The following CDYL variants were observed in gnomAD, a reference collection of about 807,000 sequenced individuals.
The protein encoded by CDYL is chromodomain Y like, also known as chromodomain Y-like protein.
In CDYL, 8 loss-of-function variants were observed where a neutral mutation model predicts 47.3. The ratio of observed to expected loss-of-function variants is 0.17; its 90% CI spans 0.10 to 0.31. CDYL has a LOEUF of 0.31. Among genes scored for constraint, CDYL ranks in the 10% least tolerant of loss-of-function variants. CDYL has a pLI of 1.00. For synonymous variants in CDYL, 266 were observed against 265.0 expected (o/e 1.00, Z -0.04); for missense variants, 471 against 701.4 (o/e 0.67, Z 3.71).
intron 1 of CDYL, among the ~76,000 whole-genome samples, chr6:4,863,095 C>T (rs1761218722): frequency 1.3e-5 from 2 of 152,048 alleles, no homozygotes; most frequent in Non-Finnish European, 2.9e-5. Context: ...TGAATTAATG[C>T]AGAAACAGAA....
At chr6:4,874,129 C>T (rs1761551669) in intron 1 of CDYL, among the ~76,000 whole-genome samples, 1 of 152,156 alleles carries the variant, frequency 6.6e-6, no homozygotes, top group South Asian at 2.1e-4. Context: ...GTAAGCCTTA[C>T]AGACAGAAAA....
chr6:4,785,296 C>A (rs137860041), intron 1 of CDYL, among the ~76,000 whole-genome samples: 1 of 152,212 alleles, frequency 6.6e-6, no homozygotes, highest in African/African-American at 2.4e-5. Context: ...AGTTAAGCAA[C>A]GTGTGACCGT....
intron 2 of CDYL, among the ~76,000 whole-genome samples, chr6:4,913,341 C>G (rs1333780363): frequency 6.6e-6 from 1 of 152,168 alleles, no homozygotes; most frequent in Non-Finnish European, 1.5e-5. Flanking sequence ...CTAATCTGAG[C>G]TTCTCTCCTC....
intron 2 of CDYL, among the ~76,000 whole-genome samples, chr6:4,905,275 G>C (rs1016954543): frequency 2.6e-5 from 4 of 152,100 alleles, no homozygotes; most frequent in African/African-American, 7.2e-5. Context: ...AGGAATTCTC[G>C]TTGGTCTAAA....
intron 2 of CDYL, among the ~76,000 whole-genome samples, chr6:4,723,862 G>A (rs1242237656): frequency 6.6e-6 from 1 of 152,202 alleles, no homozygotes; most frequent in East Asian, 1.9e-4. Flanking sequence ...TGAGTGTTTA[G>A]GTCTAACCGG....
At chr6:4,824,603 A>G (rs1759927718) in intron 1 of CDYL, among the ~76,000 whole-genome samples, 2 of 152,086 alleles carry the variant, frequency 1.3e-5, no homozygotes, top group African/African-American at 2.4e-5. Context: ...AGTTCTTTAT[A>G]TATTCTGGTT....
intron 3 of CDYL, among the ~76,000 whole-genome samples, chr6:4,739,520 C>CA (rs34838574): frequency 0.28 from 22,306 of 79,684 alleles, 1,923 homozygotes; most frequent in East Asian, 0.37. Context: ...AACTCTGACT[C>CA]AAAAAAAAAA....
intron 3 of CDYL, among the ~76,000 whole-genome samples, chr6:4,739,347 G>C (rs992282544): frequency 6.6e-6 from 1 of 151,206 alleles, no homozygotes; most frequent in African/African-American, 2.4e-5. Flanking sequence ...GCAAAACCCT[G>C]TTTCTACTAA....
chr6:4,897,792 T>TTTGTTTTTTG (rs776082681), intron 2 of CDYL, among the ~76,000 whole-genome samples: 48 of 109,994 alleles, frequency 4.4e-4, no homozygotes, highest in Non-Finnish European at 6.2e-4. Context: ...AGGTTTTTGT[T>TTTGTTTTTTG]TTTTTTTTTT....
intron 1 of CDYL, among the ~76,000 whole-genome samples, chr6:4,835,419 C>G (rs1389230865): frequency 6.6e-6 from 1 of 152,186 alleles, no homozygotes; most frequent in African/African-American, 2.4e-5. Context: ...GCTGTCTGAT[C>G]GTTCCCCTGG....
At chr6:4,936,017 G>A (rs541051431) in intron 3 of CDYL, among the ~76,000 whole-genome samples, 1 of 152,280 alleles carries the variant, frequency 6.6e-6, no homozygotes, top group African/African-American at 2.4e-5. Context: ...CCCGGGTGTG[G>A]GTCCACCCAG....
At position 4,935,494 on chromosome 6, in the gene CDYL, G is replaced by A. The variant is rs1324023513; in HGVS notation, c.692-21G>A. The A allele has an allele frequency of 1.9e-6, 3 of 1,611,758 alleles. No individual in the cohort carries two copies. The East Asian group carries it at 6.7e-5, about 36-fold the overall frequency. On this transcript the variant is annotated intron_variant, in intron 2 of 6. Coordinates refer to ENST00000397588, the MANE Select transcript of CDYL (RefSeq NM_004824.4). ...TGGTGGTGGGACATCACAGACTACTGTGATTTCAAACTCTCGGCAGGTACA... is the reference window on the plus strand; with the variant it reads ...TGGTGGTGGGACATCACAGACTACTATGATTTCAAACTCTCGGCAGGTACA...
chr6:4,853,508 C>T (rs1175011846), intron 1 of CDYL, among the ~76,000 whole-genome samples: 1 of 152,098 alleles, frequency 6.6e-6, no homozygotes, highest in Non-Finnish European at 1.5e-5. Context: ...TCTCATTCCC[C>T]TCCTCCTCCC....
At chr6:4,834,314 A>T (rs1418306791) in intron 1 of CDYL, among the ~76,000 whole-genome samples, 1 of 149,664 alleles carries the variant, frequency 6.7e-6, no homozygotes, top group African/African-American at 2.4e-5. Context: ...AAAGTATTTT[A>T]TTTCTCCTTC....
chr6:4,773,321 T>C (rs1183809159), upstream of CDYL: 1 of 371,692 alleles, frequency 2.7e-6, no homozygotes, highest in Non-Finnish European at 5.4e-6. This position sits in a 1 kb window ranked among gnomAD's most constrained non-coding sequence, Gnocchi z 4.6. Flanking sequence ...TGCTGCAATC[T>C]TCCCGGTGTG....
intron 1 of CDYL, among the ~76,000 whole-genome samples, chr6:4,843,279 T>C (rs1490547567): frequency 6.6e-6 from 1 of 152,194 alleles, no homozygotes; most frequent in Non-Finnish European, 1.5e-5. Flanking sequence ...TTAGATAACC[T>C]GATGACAGCG....
intron 2 of CDYL, among the ~76,000 whole-genome samples, chr6:4,720,547 G>A (rs1263255075): frequency 2.6e-5 from 4 of 152,150 alleles, no homozygotes; most frequent in African/African-American, 9.7e-5. Flanking sequence ...CATAGAAAAT[G>A]TAAAGATACT....
intron 3 of CDYL, among the ~76,000 whole-genome samples, chr6:4,746,640 T>G (rs1455030753): frequency 6.6e-6 from 1 of 152,136 alleles, no homozygotes; most frequent in Non-Finnish European, 1.5e-5. Context: ...ACAATTAGGC[T>G]GATGAGTGGG....
chr6:4,944,660 T>C (rs1475163389), intron 5 of CDYL, among the ~76,000 whole-genome samples: 1 of 152,196 alleles, frequency 6.6e-6, no homozygotes, highest in Non-Finnish European at 1.5e-5. Context: ...GCTTTCTTTC[T>C]GGGAGAAACT....
Sources: allele counts gnomAD v4.1 joint callset (sites outside exome capture counted in the v4.1 genomes callset), GRCh38; gene constraint gnomAD v4.1.1; non-coding constraint Gnocchi (gnomAD v3.1); transcripts MANE v1.5; gene names NCBI Gene and HGNC (gene_info 2026-07-23, HGNC 2026-07-21).